The following ZNF33A variants were observed in gnomAD, a reference collection of about 807,000 sequenced individuals.
The protein encoded by ZNF33A is zinc finger protein 33A.
ZNF33A carries 9 observed loss-of-function variants against 15.9 expected under a neutral mutation model. The observed-to-expected ratio is 0.57, with a 90% CI of 0.34 to 0.99. The LOEUF is 0.99. Ranked by LOEUF, ZNF33A falls within the 50% of genes least tolerant of loss-of-function variation. The pLI, the probability that ZNF33A is intolerant of heterozygous loss-of-function variation, is 0.02. For missense variants in ZNF33A, 843 were observed against 941.6 expected, an observed-to-expected ratio of 0.90 and a Z score of 1.37; for synonymous variants, 294 against 324.2, an observed-to-expected ratio of 0.91 and a Z score of 1.00.
chr10:38,022,767 T>C (rs954084968), intron 4 of ZNF33A, among the ~76,000 whole-genome samples: 1 of 151,486 alleles, frequency 6.6e-6, no homozygotes, highest in Non-Finnish European at 1.5e-5. Flanking sequence ...GAATGACCCA[T>C]AGGTTTTCAT....
Position 38,055,167 on chromosome 10 carries a change from A to G in ZNF33A, c.1043A>G (p.Gln348Arg), listed in dbSNP as rs1204278014. ...GAGAAGTCACATCTCACTCGACATC[A>G]GAGGGTGCACACAGGACAGAAACCC... ...FWEKSHLTRH[Q>R]RVHTGQKPFQ... The change falls in exon 5 of 5, where the codon CAG becomes CGG. Residue 348 changes from glutamine (Q) to arginine (R), a missense_variant. Transcript: ENST00000432900. The G allele has an allele frequency of 6.8e-6, 11 of 1,614,020 alleles. No individual in the cohort carries two copies. Among genetic ancestry groups the G allele is most frequent in the Non-Finnish European group, 9.3e-6 (11 of 1,179,992 alleles).
At chr10:38,023,510 A>C (rs2064846757) in intron 4 of ZNF33A, among the ~76,000 whole-genome samples, 1 of 152,208 alleles carries the variant, frequency 6.6e-6, no homozygotes, top group African/African-American at 2.4e-5. Flanking sequence ...TAAAGAAGAA[A>C]AATTACATAA....
At chr10:38,022,973 T>G (rs2064819598) in intron 4 of ZNF33A, among the ~76,000 whole-genome samples, 1 of 152,000 alleles carries the variant, frequency 6.6e-6, no homozygotes, top group Non-Finnish European at 1.5e-5. Flanking sequence ...TTAGATGGAG[T>G]CTTGCTCAGT....
Position 38,012,820 on chromosome 10 carries a change from A to G in ZNF33A, c.9+470A>G, listed in dbSNP as rs555376498. On this transcript the variant is annotated intron_variant, in intron 2 of 4. Coordinates refer to ENST00000432900, the MANE Select transcript of ZNF33A (RefSeq NM_006954.2). ...AAAGTAACAGATCAATAGCAGGGCC[A>G]AGTTAGAGTCAATAAGTTGAGCTTC... Among the ~76,000 whole-genome samples, 14 of 152,298 alleles carry G rather than the reference A, an allele frequency of 9.2e-5. 1 individual carries two copies. In the South Asian group the frequency reaches 2.9e-3, roughly 32 times the overall value.
downstream of ZNF33A, among the ~76,000 whole-genome samples, chr10:38,065,968 C>T (rs9418318): frequency 0.06 from 9,110 of 151,844 alleles, 350 homozygotes; most frequent in Middle Eastern, 0.1. Context: ...CTGGGATTAC[C>T]GACGTGAGCC....
chr10:38,026,255 G>T (rs187531281), intron 4 of ZNF33A, among the ~76,000 whole-genome samples: 68 of 110,358 alleles, frequency 6.2e-4, no homozygotes, highest in Admixed American at 3.6e-3. Context: ...AAACCTAGGA[G>T]TAGAATTCTT....
chr10:38,064,092 C>T (rs1341576367), downstream of ZNF33A: 3 of 1,597,668 alleles, frequency 1.9e-6, no homozygotes, highest in Non-Finnish European at 2.5e-6. Flanking sequence ...TCCCAGGCCC[C>T]TGAGATGCTC....
chr10:38,029,881 A>T (rs1292457763), intron 4 of ZNF33A, among the ~76,000 whole-genome samples: 1 of 152,224 alleles, frequency 6.6e-6, no homozygotes, highest in Non-Finnish European at 1.5e-5. Flanking sequence ...GCACCAGCAT[A>T]TACAAATGGG....
chr10:38,020,159 G>T (rs933436252), intron 4 of ZNF33A, among the ~76,000 whole-genome samples: 1 of 152,150 alleles, frequency 6.6e-6, no homozygotes, highest in African/African-American at 2.4e-5. Context: ...TACCTTAAAT[G>T]TAAATGATCA....
intron 4 of ZNF33A, among the ~76,000 whole-genome samples, chr10:38,053,058 TACTC>T (rs951182940): frequency 6.6e-6 from 1 of 152,142 alleles, no homozygotes; most frequent in African/African-American, 2.4e-5. Context: ...TCTTTTTTCT[TACTC>T]TTTTAAAATT....
At chr10:38,020,220 A>G (rs1389325146) in intron 4 of ZNF33A, among the ~76,000 whole-genome samples, 2 of 152,292 alleles carry the variant, frequency 1.3e-5, no homozygotes, top group African/African-American at 2.4e-5. Context: ...ACATAAAACA[A>G]TTCTAAAATT....
rs2066385418 is a variant in ZNF33A at position 38,054,843 on chromosome 10, A to G, written c.719A>G (p.Glu240Gly). The G allele has an allele frequency of 6.2e-7, 1 of 1,613,224 alleles. No individual in the cohort carries two copies. Among genetic ancestry groups the G allele is most frequent in the African/African-American group, 1.3e-5 (1 of 74,930 alleles). ...EKAVFNTQKR[E>G]NAEENNCDYN... ...GCAGTATTCAATACACAGAAGAGAG[A>G]GAACGCAGAAGAGAATAACTGTGAT... The change falls in exon 5 of 5, where the codon GAG becomes GGG. Residue 240 changes from glutamate (E) to glycine (G), a missense_variant. Physicochemically the swap from Glu to Gly is moderately conservative, Grantham distance 98. Coordinates refer to ENST00000432900, the MANE Select transcript of ZNF33A (RefSeq NM_006954.2).
chr10:38,055,926 G>A lies in ZNF33A; in HGVS notation c.1802G>A (p.Arg601Lys), dbSNP rs2066457056. 1 of 1,613,950 alleles carries A rather than the reference G, an allele frequency of 6.2e-7. No homozygotes were observed. The highest frequency in any genetic ancestry group is 8.5e-7 in the Non-Finnish European group (1 of 1,179,990). Residue 601 changes from arginine to lysine, a missense_variant, in exon 5 of 5, where the codon AGA becomes AAA. Coordinates refer to ENST00000432900, the MANE Select transcript of ZNF33A (RefSeq NM_006954.2). ...YNKSYLTKHN[R>K]THTGEKPYEC... ...AAATCATACCTAACTAAACATAATA[G>A]AACACATACAGGGGAGAAACCCTAT...
intron 4 of ZNF33A, among the ~76,000 whole-genome samples, chr10:38,042,114 A>G (rs1479845348): frequency 6.6e-6 from 1 of 151,930 alleles, no homozygotes; most frequent in African/African-American, 2.4e-5. Context: ...TTCTGCTTCA[A>G]TTCATTTGTT....
intron 4 of ZNF33A, among the ~76,000 whole-genome samples, chr10:38,019,576 T>C (rs2064643237): frequency 6.6e-6 from 1 of 152,190 alleles, no homozygotes; most frequent in African/African-American, 2.4e-5. Context: ...AGGAAGGAAG[T>C]AGTATGTTTT....
At chr10:38,064,127 G>A, downstream of ZNF33A, 1 of 1,595,658 alleles carries the variant, frequency 6.3e-7, no homozygotes, top group East Asian at 2.2e-5. Flanking sequence ...AACCCCTGCA[G>A]TGCTGGAAGA....
intron 4 of ZNF33A, 98 bp downstream of exon 4, chr10:38,017,484 A>G (rs1590465521): frequency 3.4e-6 from 3 of 875,596 alleles, no homozygotes; most frequent in Admixed American, 2.0e-5. Context: ...TTTCAAGAAC[A>G]TCTCCATAGG....
At chr10:38,048,781 G>A (rs2066069906) in intron 4 of ZNF33A, among the ~76,000 whole-genome samples, 1 of 152,138 alleles carries the variant, frequency 6.6e-6, no homozygotes, top group Non-Finnish European at 1.5e-5. Context: ...AGCAAAATCT[G>A]ATAGACTTGG....
chr10:38,011,724 C>T (rs1162570462), intron 1 of ZNF33A, among the ~76,000 whole-genome samples: 1 of 152,156 alleles, frequency 6.6e-6, no homozygotes, highest in Non-Finnish European at 1.5e-5. Flanking sequence ...GACCCCTAAG[C>T]CAGTACTGTC....
Sources: gnomAD v4.1 joint callset for allele counts (sites outside exome capture counted in the v4.1 genomes callset) on GRCh38, gnomAD v4.1.1 for gene constraint, MANE v1.5 for transcripts, NCBI Gene and HGNC (gene_info 2026-07-23, HGNC 2026-07-21) for gene names.